Variants in HSD17B2 observed in about 807,000 individuals in gnomAD.
HSD17B2 encodes the protein 17-beta-hydroxysteroid dehydrogenase type 2.
In HSD17B2, 32 loss-of-function variants were observed where a neutral mutation model predicts 26.9. That is an observed-to-expected ratio of 1.19 (90% CI 0.90 to 1.60). HSD17B2 has a LOEUF of 1.60. Among genes scored for constraint, HSD17B2 ranks in the 40% most tolerant of loss-of-function variants. HSD17B2 has a pLI of 0.00. For missense variants in HSD17B2, 613 were observed against 468.6 expected (o/e 1.31, Z -2.85); for synonymous variants, 246 against 186.7 (o/e 1.32, Z -2.59).
intron 1 of HSD17B2, among the ~76,000 whole-genome samples, chr16:82,057,521 C>A (rs1409486206): frequency 6.6e-6 from 1 of 152,140 alleles, no homozygotes; most frequent in African/African-American, 2.4e-5. Context: ...TTAAGTGTGG[C>A]CTGTGCACAA....
chr16:82,058,888 C>A (rs1167944526), intron 1 of HSD17B2, among the ~76,000 whole-genome samples: 1 of 152,168 alleles, frequency 6.6e-6, no homozygotes, highest in African/African-American at 2.4e-5. Flanking sequence ...AGGGCAAGAA[C>A]ATGAAACTGT....
At chr16:82,047,071 T>C (rs1007844287) in intron 1 of HSD17B2, among the ~76,000 whole-genome samples, 6 of 152,192 alleles carry the variant, frequency 3.9e-5, no homozygotes, top group African/African-American at 1.4e-4. Context: ...TTTCATTCCT[T>C]AAGAAAGAGA....
At chr16:82,083,932 C>G (rs892621030) in intron 3 of HSD17B2, among the ~76,000 whole-genome samples, 6 of 152,184 alleles carry the variant, frequency 3.9e-5, no homozygotes, top group African/African-American at 1.4e-4. Flanking sequence ...GGAGGCAACT[C>G]TGATGGTACA....
intron 3 of HSD17B2, among the ~76,000 whole-genome samples, chr16:82,076,620 G>C (rs1904303842): frequency 6.6e-6 from 1 of 152,182 alleles, no homozygotes; most frequent in Non-Finnish European, 1.5e-5. Flanking sequence ...CTGTTGCCAG[G>C]CTGGAGTGCA....
At chr16:82,042,690 CG>C (rs1913800159) in intron 1 of HSD17B2, among the ~76,000 whole-genome samples, 1 of 151,990 alleles carries the variant, frequency 6.6e-6, no homozygotes, top group Non-Finnish European at 1.5e-5. Flanking sequence ...GGCACGATCT[CG>C]GCTCACTGCA....
chr16:82,072,498 T>C (rs1914720152), intron 3 of HSD17B2, among the ~76,000 whole-genome samples: 1 of 152,222 alleles, frequency 6.6e-6, no homozygotes, highest in Admixed American at 6.5e-5. Flanking sequence ...GCCTCACTTA[T>C]ATAATAAATA....
intron 1 of HSD17B2, among the ~76,000 whole-genome samples, chr16:82,055,170 A>G (rs559669824): frequency 1.3e-5 from 2 of 152,318 alleles, no homozygotes; most frequent in East Asian, 3.9e-4. Flanking sequence ...GCTGTAATTT[A>G]GCTCCTTTTA....
At chr16:82,055,774 C>T (rs575377922) in intron 1 of HSD17B2, among the ~76,000 whole-genome samples, 4 of 152,142 alleles carry the variant, frequency 2.6e-5, no homozygotes, top group East Asian at 1.9e-4. Context: ...TGGATTCAAC[C>T]GGAAAACCAT....
chr16:82,065,373 G>T (rs1914546866), intron 1 of HSD17B2, among the ~76,000 whole-genome samples: 1 of 152,116 alleles, frequency 6.6e-6, no homozygotes, highest in Non-Finnish European at 1.5e-5. Flanking sequence ...TCAAGGTCAT[G>T]GTGTTTGTCT....
At chr16:82,040,769 C>G (rs1913744435) in intron 1 of HSD17B2, among the ~76,000 whole-genome samples, 1 of 152,134 alleles carries the variant, frequency 6.6e-6, no homozygotes, top group East Asian at 1.9e-4. Context: ...ATGCCATGTG[C>G]TAAGCTTGAC....
rs1567586364 is a variant in HSD17B2 at position 82,068,246 on chromosome 16, G to C, written c.342G>C (p.Leu114Phe). ...ELGFTVFAGVLNENGPGAEEL... is the reference protein window; with the variant it reads ...ELGFTVFAGVFNENGPGAEEL... Reference sequence around the variant, plus strand: ...GCTTCACGGTATTTGCCGGAGTTTTGAATGAAAATGGCCCAGGAGCTGAGG... The same window carrying C: ...GCTTCACGGTATTTGCCGGAGTTTTCAATGAAAATGGCCCAGGAGCTGAGG... Residue 114 changes from leucine (L) to phenylalanine (F), a missense_variant, in exon 2 of 5, where the codon TTG becomes TTC. Leu to Phe is a conservative substitution (Grantham distance 22). Coordinates refer to ENST00000199936, the MANE Select transcript of HSD17B2 (RefSeq NM_002153.3). 1.9e-6 allele frequency: 3 copies of C among 1,614,010 alleles called. No homozygotes were observed. The highest frequency in any genetic ancestry group is 1.7e-5 in the Admixed American group (1 of 60,006).
intron 1 of HSD17B2, among the ~76,000 whole-genome samples, chr16:82,060,190 C>G (rs1466489626): frequency 2.0e-5 from 3 of 152,202 alleles, no homozygotes; most frequent in African/African-American, 7.2e-5. Flanking sequence ...TTGCCTAAGT[C>G]TTAAACTAAA....
chr16:82,063,399 C>T (rs1463731105), intron 1 of HSD17B2: 1 of 152,132 alleles, frequency 6.6e-6, no homozygotes, highest in Non-Finnish European at 1.5e-5. Context: ...GAAGCAGAGG[C>T]AGAGAGTAAT....
chr16:82,050,370 G>T (rs1294261704), intron 1 of HSD17B2, among the ~76,000 whole-genome samples: 1 of 151,624 alleles, frequency 6.6e-6, no homozygotes, highest in Non-Finnish European at 1.5e-5. Flanking sequence ...TCGGTGCTGA[G>T]GCTATTACTT....
chr16:82,040,618 G>A (rs908818179), intron 1 of HSD17B2, among the ~76,000 whole-genome samples: 1 of 152,162 alleles, frequency 6.6e-6, no homozygotes, highest in East Asian at 1.9e-4. Flanking sequence ...AGTAAATATT[G>A]AACATCTGTT....
At chr16:82,047,761 C>T (rs987322518) in intron 1 of HSD17B2, among the ~76,000 whole-genome samples, 4 of 152,216 alleles carry the variant, frequency 2.6e-5, no homozygotes, top group African/African-American at 9.7e-5. Flanking sequence ...TGGCTCTCAT[C>T]ATATGCCCTT....
At chr16:82,075,704 C>T (rs541923529) in intron 3 of HSD17B2, among the ~76,000 whole-genome samples, 12 of 151,984 alleles carry the variant, frequency 7.9e-5, no homozygotes, top group Non-Finnish European at 1.5e-4. Flanking sequence ...TAACAAGTAA[C>T]GAGTTCGAAG....
At chr16:82,076,799 C>T (rs540597628) in intron 3 of HSD17B2, among the ~76,000 whole-genome samples, 27 of 152,174 alleles carry the variant, frequency 1.8e-4, no homozygotes, top group African/African-American at 5.3e-4. Context: ...AGGATGGTTT[C>T]GATCTCTTGA....
At chr16:82,090,791 C>G in intron 3 of HSD17B2, 111 bp from the exon 4 acceptor site, 1 of 1,072,544 alleles carries the variant, frequency 9.3e-7, no homozygotes, top group South Asian at 1.7e-5. Context: ...CCTTTGTCTG[C>G]CCAAGTCACT....
Sources: gnomAD v4.1 joint callset for allele counts (sites outside exome capture counted in the v4.1 genomes callset) on GRCh38, gnomAD v4.1.1 for gene constraint, MANE v1.5 for transcripts, NCBI Gene and HGNC (gene_info 2026-07-23, HGNC 2026-07-21) for gene names.